MAN2A1: variants seen among roughly 807,000 people sequenced by gnomAD.
MAN2A1 encodes mannosidase alpha class 2A member 1, also known as alpha-mannosidase 2.
In MAN2A1, 76 loss-of-function variants were observed where a neutral mutation model predicts 142.6. The observed-to-expected ratio is 0.53, with a 90% CI of 0.44 to 0.65. The LOEUF (loss-of-function observed/expected upper bound fraction) is 0.65, where lower values mean the gene tolerates loss of function less well. Among genes scored for constraint, MAN2A1 ranks in the 30% least tolerant of loss-of-function variants. The pLI, the probability that MAN2A1 is intolerant of heterozygous loss-of-function variation, is 0.00. For synonymous variants in MAN2A1, 559 were observed against 473.2 expected (o/e 1.18, Z -2.35); for missense variants, 1,311 against 1,365.1 (o/e 0.96, Z 0.62).
rs1755940091 is a variant in MAN2A1, at chr5:109,868,714, T to A, written c.*1716T>A. ...AAGGGGTAATTTCATGCAATAAACA[T>A]GTACCGTAAGTTTTCTTCCACATAT... is the stretch of plus-strand genomic sequence containing the variant. On this transcript the variant is annotated 3_prime_UTR_variant, in exon 22 of 22. Coordinates refer to ENST00000261483, the MANE Select transcript of MAN2A1 (RefSeq NM_002372.4). 2 of 152,154 alleles carry A rather than the reference T, an allele frequency of 1.3e-5. No individual in the cohort carries two copies. Among genetic ancestry groups the A allele is most frequent in the South Asian group, 4.1e-4 (2 of 4,828 alleles). 9.4% of individuals were successfully genotyped at this position (152,154 alleles called of 1,614,324 possible).
Position 109,847,638 on chromosome 5 carries a change from T to A in MAN2A1, c.2843-19T>A. On this transcript the variant is annotated intron_variant, in intron 18 of 21. Coordinates refer to ENST00000261483, the MANE Select transcript of MAN2A1 (RefSeq NM_002372.4). Reference sequence around the variant, plus strand: ...AATTATTCTGGTCAGTTTTGCTTGTTTGTTTGTTTGTGTGTTAGGTCAGAT... The same window carrying A: ...AATTATTCTGGTCAGTTTTGCTTGTATGTTTGTTTGTGTGTTAGGTCAGAT... The A allele has an allele frequency of 6.7e-7, 1 of 1,486,088 alleles. No homozygotes were observed. Among genetic ancestry groups the A allele is most frequent in the East Asian group, 2.6e-5 (1 of 38,052 alleles). The allele number at this position is 1,486,088 out of a possible 1,614,324, so 92.1% of individuals were successfully genotyped here.
intron 12 of MAN2A1, among the ~76,000 whole-genome samples, chr5:109,800,992 A>G (rs1313291626): frequency 6.6e-6 from 1 of 152,182 alleles, no homozygotes. Flanking sequence ...TTTAAAGGTG[A>G]AGTTTTTTGT....
chr5:109,720,655 C>T (rs533713366), intron 3 of MAN2A1, among the ~76,000 whole-genome samples: 1 of 152,276 alleles, frequency 6.6e-6, no homozygotes, highest in Non-Finnish European at 1.5e-5. Flanking sequence ...ATAAAATACA[C>T]TAACAATAGG....
At chr5:109,759,715 C>T (rs1752786407) in intron 5 of MAN2A1, among the ~76,000 whole-genome samples, 1 of 152,058 alleles carries the variant, frequency 6.6e-6, no homozygotes, top group Admixed American at 6.6e-5. Context: ...TATATTCCAC[C>T]AACAACGAAT....
rs1229962700 is a variant in MAN2A1 at position 109,784,937 on chromosome 5, T to C, written c.1760+11T>C. ...GGATTATGGTACCAGGTAATCTAAT[T>C]ATAGAAAAATCATCTTTAAAAAAAT... On this transcript the variant is annotated intron_variant, in intron 10 of 21. Transcript: ENST00000261483. The C allele has an allele frequency of 1.3e-6, 2 of 1,551,558 alleles. No individual in the cohort carries two copies. Among genetic ancestry groups the C allele is most frequent in the Non-Finnish European group, 1.7e-6 (2 of 1,151,980 alleles).
chr5:109,814,473 C>T (rs1406856941), intron 12 of MAN2A1, among the ~76,000 whole-genome samples: 4 of 152,072 alleles, frequency 2.6e-5, no homozygotes, highest in Non-Finnish European at 4.4e-5. Flanking sequence ...GATAGGAGTT[C>T]GTGTGTCAGA....
At chr5:109,723,163 A>C (rs1391216086) in intron 3 of MAN2A1, among the ~76,000 whole-genome samples, 3 of 152,188 alleles carry the variant, frequency 2.0e-5, no homozygotes, top group Non-Finnish European at 4.4e-5. Flanking sequence ...ACAATAATGC[A>C]AATAGGTTCC....
intron 12 of MAN2A1, among the ~76,000 whole-genome samples, chr5:109,800,088 C>CAAA (rs3065546): frequency 8.1e-6 from 1 of 124,110 alleles, no homozygotes. Flanking sequence ...ACTGTTGTCT[C>CAAA]AAAAAAAAAA....
chr5:109,710,189 T>C (rs2112557369), intron 1 of MAN2A1, among the ~76,000 whole-genome samples: 1 of 152,370 alleles, frequency 6.6e-6, no homozygotes, highest in South Asian at 2.1e-4. Context: ...TCATTAATGA[T>C]ATCTTTAAAG....
intron 1 of MAN2A1, among the ~76,000 whole-genome samples, chr5:109,707,541 A>G (rs567788150): frequency 6.6e-6 from 1 of 152,302 alleles, no homozygotes; most frequent in African/African-American, 2.4e-5. Flanking sequence ...TACATGAATA[A>G]AATAGATAAT....
chr5:109,692,084 A>T (rs752076215), intron 1 of MAN2A1, among the ~76,000 whole-genome samples: 4 of 152,178 alleles, frequency 2.6e-5, no homozygotes, highest in Non-Finnish European at 5.9e-5. Flanking sequence ...CTTGATGATC[A>T]CTTGAAAATG....
intron 17 of MAN2A1, among the ~76,000 whole-genome samples, chr5:109,845,128 T>G (rs925521141): frequency 6.6e-6 from 1 of 152,188 alleles, no homozygotes; most frequent in Admixed American, 6.5e-5. Flanking sequence ...CCAACTTTCA[T>G]GAGTTTAAAT....
At chr5:109,840,172 C>T in intron 16 of MAN2A1, 1 of 199,894 alleles carries the variant, frequency 5.0e-6, no homozygotes, top group Non-Finnish European at 1.0e-5. Context: ...AGTCTCGTCT[C>T]ATAAATCTTG....
intron 19 of MAN2A1, chr5:109,853,811 G>A (rs1479414369): frequency 3.9e-5 from 6 of 152,042 alleles, no homozygotes; most frequent in Non-Finnish European, 8.8e-5. Flanking sequence ...AGTGTTGTTG[G>A]AGAATATTAT....
At chr5:109,710,376 A>C (rs769238790) in intron 1 of MAN2A1, among the ~76,000 whole-genome samples, 6 of 152,208 alleles carry the variant, frequency 3.9e-5, no homozygotes, top group African/African-American at 9.6e-5. Context: ...TTGTTGAGCT[A>C]TAGGCAGTTT....
intron 16 of MAN2A1, among the ~76,000 whole-genome samples, chr5:109,836,592 C>T (rs1438294895): frequency 6.6e-6 from 1 of 152,198 alleles, no homozygotes; most frequent in African/African-American, 2.4e-5. Flanking sequence ...TGCTAAAACC[C>T]TGTAAGCCTG....
chr5:109,725,140 G>A (rs1751707192), intron 3 of MAN2A1, among the ~76,000 whole-genome samples: 1 of 152,146 alleles, frequency 6.6e-6, no homozygotes, highest in Non-Finnish European at 1.5e-5. Context: ...CATACCCTGT[G>A]TTTAAACATT....
At chr5:109,800,088 CAAAAAAAAA>C (rs3065546) in intron 12 of MAN2A1, among the ~76,000 whole-genome samples, 1 of 124,116 alleles carries the variant, frequency 8.1e-6, no homozygotes, top group Non-Finnish European at 1.7e-5. Flanking sequence ...ACTGTTGTCT[CAAAAAAAAA>C]AAAAAAAAAC....
intron 1 of MAN2A1, among the ~76,000 whole-genome samples, chr5:109,698,205 A>T (rs548771997): frequency 3.9e-5 from 6 of 152,350 alleles, no homozygotes; most frequent in Admixed American, 1.3e-4. Flanking sequence ...TATCTTCTTC[A>T]TAAGCTGTAA....
Sources: allele counts gnomAD v4.1 joint callset (sites outside exome capture counted in the v4.1 genomes callset), GRCh38; gene constraint gnomAD v4.1.1; transcripts MANE v1.5; gene names NCBI Gene and HGNC (gene_info 2026-07-23, HGNC 2026-07-21).